TMEM38A: variants seen among roughly 807,000 people sequenced by gnomAD.
TMEM38A encodes transmembrane protein 38A, also known as trimeric intracellular cation channel type A.
TMEM38A carries 17 observed loss-of-function variants against 28.6 expected under a neutral mutation model. That is an observed-to-expected ratio of 0.60 (90% CI 0.41 to 0.89). The LOEUF (loss-of-function observed/expected upper bound fraction) is 0.89. Among genes scored for constraint, TMEM38A ranks in the 40% least tolerant of loss-of-function variants. TMEM38A has a pLI of 0.00. For synonymous variants in TMEM38A, 169 were observed against 166.1 expected (o/e 1.02, Z -0.14); for missense variants, 328 against 393.1 (o/e 0.83, Z 1.40).
chr19:16,686,536 C>A, intron 5 of TMEM38A, 131 bp downstream of exon 5: 1 of 699,696 alleles, frequency 1.4e-6, no homozygotes, highest in Non-Finnish European at 2.5e-6. Flanking sequence ...AGGGGAGATG[C>A]TTGCCAGTAG....
At chr19:16,686,496 C>A in intron 5 of TMEM38A, 91 bp downstream of exon 5, 3 of 1,040,086 alleles carry the variant, frequency 2.9e-6, no homozygotes, top group Non-Finnish European at 4.4e-6. Flanking sequence ...ACACTCCCAG[C>A]CTTATGTGGC....
intron 4 of TMEM38A, 77 bp from the exon 5 acceptor site, chr19:16,686,211 A>C (rs2086801118): frequency 9.8e-7 from 1 of 1,016,798 alleles, no homozygotes; most frequent in Non-Finnish European, 1.5e-6. Flanking sequence ...GTGCCAGGGC[A>C]GGGGGGTGTC....
intron 1 of TMEM38A, 116 bp from the exon 2 acceptor site, chr19:16,679,868 A>C (rs1197385102): frequency 1.8e-6 from 2 of 1,140,724 alleles, no homozygotes; most frequent in African/African-American, 3.1e-5. Flanking sequence ...TGAAACTTAC[A>C]AACTGCACAG....
In TMEM38A at chr19:16,671,161, A is replaced by G. The variant is rs567365609; in HGVS notation, c.125-8823A>G. 2.0e-5 allele frequency among the ~76,000 whole-genome samples: 3 copies of G among 150,712 alleles called. No homozygotes were observed. The South Asian group carries it at 6.3e-4, about 32-fold the overall frequency. On this transcript the variant is annotated intron_variant, in intron 1 of 5. Transcript: ENST00000187762. ...TTCATGGGGCTGTCCCAAACCCATC[A>G]AGAGAAACCAAGGAGTATGGAAAGG...
At chr19:16,682,648 G>T in intron 4 of TMEM38A, 140 bp downstream of exon 4, 1 of 735,194 alleles carries the variant, frequency 1.4e-6, no homozygotes, top group Non-Finnish European at 2.3e-6. Context: ...TATGACTGGG[G>T]AAGCTCAAAG....
At chr19:16,683,562 C>T (rs2086789888) in intron 4 of TMEM38A, among the ~76,000 whole-genome samples, 1 of 141,340 alleles carries the variant, frequency 7.1e-6, no homozygotes, top group African/African-American at 2.7e-5. Context: ...CACTGTACTC[C>T]AGCTTGGGTG....
intron 1 of TMEM38A, among the ~76,000 whole-genome samples, chr19:16,662,677 C>T (rs1309032086): frequency 6.6e-6 from 1 of 151,914 alleles, no homozygotes; most frequent in East Asian, 1.9e-4. Flanking sequence ...TAGTCTCGAT[C>T]TCCTGACCTT....
At chr19:16,668,522 A>G (rs1360717127) in intron 1 of TMEM38A, among the ~76,000 whole-genome samples, 2 of 149,338 alleles carry the variant, frequency 1.3e-5, no homozygotes, top group South Asian at 2.1e-4. Context: ...AAAAAAAAAA[A>G]GAGATGGGGG....
At chr19:16,668,026 T>C (rs1217304462) in intron 1 of TMEM38A, among the ~76,000 whole-genome samples, 7 of 151,852 alleles carry the variant, frequency 4.6e-5, no homozygotes, top group Non-Finnish European at 8.8e-5. Flanking sequence ...CTGACCAACA[T>C]GGTGAAACCC....
intron 1 of TMEM38A, among the ~76,000 whole-genome samples, chr19:16,669,282 C>G (rs147148977): frequency 2.5e-4 from 37 of 150,994 alleles, no homozygotes; most frequent in African/African-American, 8.5e-4. Context: ...TCTCGGCTCA[C>G]TGCAACCTCC....
chr19:16,688,521 G>A lies in TMEM38A; in HGVS notation c.*150G>A. ...GCTCACCCTCCAGGGCTGATGTGGG[G>A]GTTGAGATATGGGGATGAGGATGAA... On this transcript the variant is annotated 3_prime_UTR_variant, in exon 6 of 6. Transcript: ENST00000187762. The A allele has an allele frequency of 1.9e-6, 1 of 524,632 alleles. No homozygotes were observed. The allele number at this position is 524,632 out of a possible 1,614,324, so 32.5% of individuals were successfully genotyped here.
chr19:16,687,246 C>A (rs981208022), intron 5 of TMEM38A, among the ~76,000 whole-genome samples: 6 of 151,926 alleles, frequency 3.9e-5, no homozygotes, highest in Non-Finnish European at 8.8e-5. Context: ...GCAGGAGAAT[C>A]GCTTGAACCC....
chr19:16,662,360 A>C (rs578042350), intron 1 of TMEM38A, among the ~76,000 whole-genome samples: 3 of 151,030 alleles, frequency 2.0e-5, no homozygotes, highest in Admixed American at 6.6e-5. Context: ...TACTGTCAAC[A>C]TACTGGTGGC....
chr19:16,688,178 C>T lies in TMEM38A; in HGVS notation c.707C>T (p.Pro236Leu). Residue 236 changes from proline (P) to leucine (L), a missense_variant, in exon 6 of 6, where the codon CCC becomes CTC. Pro to Leu is a moderately conservative substitution (Grantham distance 98). Coordinates refer to ENST00000187762, the MANE Select transcript of TMEM38A (RefSeq NM_024074.4). ...ACAGCCACCCACTCACACAGCTCCC[C>T]CTTTGATGCCCTGGAGGGCTACATC... is the stretch of plus-strand genomic sequence containing the variant. The part of the protein sequence containing the change: ...FLTATHSHSS[P>L]FDALEGYICP... 1 of 1,472,094 alleles carries T rather than the reference C, an allele frequency of 6.8e-7. No homozygotes were observed. The highest frequency in any genetic ancestry group is 2.6e-5 in the East Asian group (1 of 38,576). 91.2% of individuals were successfully genotyped at this position (1,472,094 alleles called of 1,614,324 possible).
intron 1 of TMEM38A, among the ~76,000 whole-genome samples, chr19:16,677,295 A>G (rs548992165): frequency 4.3e-4 from 66 of 152,254 alleles, no homozygotes; most frequent in African/African-American, 1.5e-3. Context: ...AAACCAGGAA[A>G]TTGGCATGGG....
At chr19:16,673,204 C>G (rs2086735174) in intron 1 of TMEM38A, among the ~76,000 whole-genome samples, 1 of 152,156 alleles carries the variant, frequency 6.6e-6, no homozygotes, top group African/African-American at 2.4e-5. Context: ...ACCTCAGCCC[C>G]CTGAGTAGCT....
intron 1 of TMEM38A, among the ~76,000 whole-genome samples, chr19:16,670,129 C>T (rs111635083): frequency 0.094 from 14,164 of 151,134 alleles, 1,081 homozygotes; most frequent in African/African-American, 0.21. Flanking sequence ...GTCACCACGC[C>T]CAGCTGATTT....
At position 16,679,984 on chromosome 19, in the gene TMEM38A, G is replaced by A. The variant is rs776546600; in HGVS notation, c.125G>A (p.Gly42Glu). The change falls in exon 2 of 6, where the codon GGA becomes GAA. Residue 42 changes from glycine (G) to glutamate (E), a missense_variant and splice_region_variant. Transcript: ENST00000187762. ...VSILYLKYEPGAVELSRRHPI... is the reference protein window; with the variant it reads ...VSILYLKYEPEAVELSRRHPI... ...TGGGGGACACTCCTGTGCCTCCCAG[G>A]AGCAGTCGAACTGTCCCGGCGCCAC... The A allele has an allele frequency of 4.4e-6, 7 of 1,600,860 alleles. No individual in the cohort carries two copies. The highest frequency in any genetic ancestry group is 5.1e-6 in the Non-Finnish European group (6 of 1,177,194).
At position 16,661,319 on chromosome 19, in the gene TMEM38A, C is replaced by A. The variant is rs138053169; in HGVS notation, c.102C>A (p.Ile34=). ...VFDLSYFIVS[I]LYLKYEPGAV... Reference sequence around the variant, plus strand: ...ACCTCAGTTACTTCATCGTCTCCATCCTCTACCTCAAGTATGAGCCAGGTG... The same window carrying A: ...ACCTCAGTTACTTCATCGTCTCCATACTCTACCTCAAGTATGAGCCAGGTG... The change falls in exon 1 of 6, where the codon ATC becomes ATA. Residue 34 remains isoleucine, a synonymous_variant. Transcript: ENST00000187762. The surrounding 1 kb of genome is among the most constrained non-coding windows in gnomAD (Gnocchi z 6.5). 4 of 1,596,106 alleles carry A rather than the reference C, an allele frequency of 2.5e-6. No individual in the cohort carries two copies. The East Asian group carries it at 9.4e-5, about 37-fold the overall frequency.
Sources: gnomAD v4.1 joint callset for allele counts (sites outside exome capture counted in the v4.1 genomes callset) on GRCh38, gnomAD v4.1.1 for gene constraint, Gnocchi (gnomAD v3.1) non-coding constraint, MANE v1.5 for transcripts, NCBI Gene and HGNC (gene_info 2026-07-23, HGNC 2026-07-21) for gene names.